The following TP63 variants were observed in gnomAD, a reference collection of about 807,000 sequenced individuals.
TP63 encodes the protein tumor protein p63.
TP63 carries 17 observed loss-of-function variants against 82.8 expected under a neutral mutation model. The observed-to-expected ratio is 0.21, with a 90% CI of 0.14 to 0.31. The LOEUF (loss-of-function observed/expected upper bound fraction) is 0.31, where lower values mean the gene tolerates loss of function less well. TP63 is among the 10% of genes least tolerant of loss of function. The pLI, the probability that TP63 is intolerant of heterozygous loss-of-function variation, is 1.00. For missense variants in TP63, 648 were observed against 895.3 expected, an observed-to-expected ratio of 0.72 and a Z score of 3.52; for synonymous variants, 330 against 321.7, an observed-to-expected ratio of 1.03 and a Z score of -0.28.
At chr3:189,885,818 C>T (rs181665139) in intron 10 of TP63, among the ~76,000 whole-genome samples, 2 of 152,296 alleles carry the variant, frequency 1.3e-5, no homozygotes, top group Admixed American at 1.3e-4. Flanking sequence ...TTCTCTCATA[C>T]ATCATGAACA....
At chr3:189,838,753 A>G (rs1024924012) in intron 4 of TP63, among the ~76,000 whole-genome samples, 1 of 152,190 alleles carries the variant, frequency 6.6e-6, no homozygotes, top group Non-Finnish European at 1.5e-5. Context: ...GGTATTAAAG[A>G]GCAAATCTGA....
chr3:189,599,860 C>G, the TP63 span, among the ~76,000 whole-genome samples: 1 of 152,166 alleles, frequency 6.6e-6, no homozygotes, highest in Non-Finnish European at 1.5e-5. Flanking sequence ...GATCTTTCCT[C>G]AGCTTTATAT....
At chr3:189,753,550 CT>C (rs1263247667) in intron 3 of TP63, among the ~76,000 whole-genome samples, 5 of 151,918 alleles carry the variant, frequency 3.3e-5, no homozygotes, top group Admixed American at 3.3e-4. Flanking sequence ...TTTTAACCTA[CT>C]TTTATCATTA....
At chr3:189,778,760 C>T (rs1297164329) in intron 3 of TP63, among the ~76,000 whole-genome samples, 1 of 152,200 alleles carries the variant, frequency 6.6e-6, no homozygotes, top group Non-Finnish European at 1.5e-5. Flanking sequence ...GGTCACACCA[C>T]TTACGTTGTT....
chr3:189,890,776 C>T lies in TP63; in HGVS notation c.1653-13C>T. On this transcript the variant is annotated splice_polypyrimidine_tract_variant and intron_variant, in intron 12 of 13. Coordinates refer to ENST00000264731, the MANE Select transcript of TP63 (RefSeq NM_003722.5). ...TTCTGTTTCCTCCTTCCTCTTCCCT[C>T]CTCCCTCTGCAGTTTCTTAGCGAGG... 1.2e-6 allele frequency: 2 copies of T among 1,612,820 alleles called. No individual in the cohort carries two copies. The highest frequency in any genetic ancestry group is 1.7e-6 in the Non-Finnish European group (2 of 1,178,876).
At chr3:189,798,191 A>C (rs1351778282) in intron 3 of TP63, among the ~76,000 whole-genome samples, 3 of 152,084 alleles carry the variant, frequency 2.0e-5, no homozygotes, top group African/African-American at 7.2e-5. Context: ...TATTGTATAT[A>C]CTTAAAAGGC....
In TP63 at chr3:189,885,630, A is replaced by G. The variant is rs141744046; in HGVS notation, c.1350-764A>G. On this transcript the variant is annotated intron_variant, in intron 10 of 13. Coordinates refer to ENST00000264731, the MANE Select transcript of TP63 (RefSeq NM_003722.5). ...GGGAATATTATCTGTTAGATATAAT[A>G]TGACAAATGAGTTCTGGTAACTTTC... 4.0e-3 allele frequency among the ~76,000 whole-genome samples: 614 copies of G among 152,354 alleles called. 5 individuals carry two copies. Among genetic ancestry groups the G allele is most frequent in the Middle Eastern group, 0.02 (6 of 294 alleles).
At chr3:189,794,124 T>C (rs1725448838) in intron 3 of TP63, among the ~76,000 whole-genome samples, 1 of 152,090 alleles carries the variant, frequency 6.6e-6, no homozygotes, top group African/African-American at 2.4e-5. Flanking sequence ...TACTTTTTGA[T>C]TAAGTTCTAT....
chr3:189,608,082 C>G, the TP63 span, among the ~76,000 whole-genome samples: 1 of 152,114 alleles, frequency 6.6e-6, no homozygotes, highest in African/African-American at 2.4e-5. Context: ...TTACAATAAC[C>G]TGGCTTTAAA....
chr3:189,844,841 T>A (rs997718691), intron 4 of TP63, among the ~76,000 whole-genome samples: 1 of 152,198 alleles, frequency 6.6e-6, no homozygotes, highest in Admixed American at 6.5e-5. Context: ...AAAGTTATTG[T>A]TGGACCCTCA....
intron 4 of TP63, among the ~76,000 whole-genome samples, chr3:189,822,374 G>C (rs1413311766): frequency 1.3e-5 from 2 of 152,092 alleles, no homozygotes; most frequent in Non-Finnish European, 2.9e-5. Flanking sequence ...CCAATTAAGA[G>C]CAGAGGAAAA....
At chr3:189,804,925 C>G (rs778607579) in intron 3 of TP63, among the ~76,000 whole-genome samples, 4 of 152,168 alleles carry the variant, frequency 2.6e-5, no homozygotes, top group Non-Finnish European at 5.9e-5. Context: ...AGGCTGATTT[C>G]TCATCAATCC....
At chr3:189,680,357 A>C (rs1715801189) in intron 1 of TP63, among the ~76,000 whole-genome samples, 1 of 151,996 alleles carries the variant, frequency 6.6e-6, no homozygotes, top group Non-Finnish European at 1.5e-5. Flanking sequence ...TACTATTTTA[A>C]ATAATTAAAT....
intron 3 of TP63, among the ~76,000 whole-genome samples, chr3:189,806,040 CTTT>C (rs34836784): frequency 5.8e-5 from 3 of 52,076 alleles, no homozygotes; most frequent in Non-Finnish European, 6.7e-5. Flanking sequence ...GAAGCAAACA[CTTT>C]TTTTTTTTTT....
At chr3:189,662,358 A>AT (rs1411871872) in intron 1 of TP63, among the ~76,000 whole-genome samples, 2 of 151,968 alleles carry the variant, frequency 1.3e-5, no homozygotes, top group African/African-American at 4.8e-5. Context: ...TTTAATTTCC[A>AT]TGTAAATTGC....
At chr3:189,836,101 G>C (rs1028394913) in intron 4 of TP63, among the ~76,000 whole-genome samples, 3 of 151,986 alleles carry the variant, frequency 2.0e-5, no homozygotes, top group Admixed American at 6.6e-5. Flanking sequence ...AGTATTTGCT[G>C]TTTTCAGGAG....
At chr3:189,620,456 G>C in the TP63 span, among the ~76,000 whole-genome samples, 1 of 142,222 alleles carries the variant, frequency 7.0e-6, no homozygotes, top group African/African-American at 2.5e-5. Context: ...GTTGCAGTGA[G>C]GTGACATTGC....
intron 10 of TP63, among the ~76,000 whole-genome samples, chr3:189,883,763 A>T (rs1720163956): frequency 6.6e-6 from 1 of 152,130 alleles, no homozygotes; most frequent in South Asian, 2.1e-4. Context: ...TTGACTTAGA[A>T]TCCATGTTCC....
rs886058239 is a variant in TP63, at chr3:189,896,775, A to G, written c.*2273A>G. On this transcript the variant is annotated 3_prime_UTR_variant, in exon 14 of 14. Coordinates refer to ENST00000264731, the MANE Select transcript of TP63 (RefSeq NM_003722.5). ...GGCACCCTTACTGGCTTACCTCCTC[A>G]TGGCAGCCTACTCTCCTTGAGTGTA... 2 of 205,806 alleles carry G rather than the reference A, an allele frequency of 9.7e-6. No individual in the cohort carries two copies. The allele number at this position is 205,806 out of a possible 1,614,324, so 12.7% of individuals were successfully genotyped here.
Sources: allele counts gnomAD v4.1 joint callset (sites outside exome capture counted in the v4.1 genomes callset), GRCh38; gene constraint gnomAD v4.1.1; transcripts MANE v1.5; gene names NCBI Gene and HGNC (gene_info 2026-07-23, HGNC 2026-07-21).